The following MGAT5B variants were observed in gnomAD, a reference collection of about 807,000 sequenced individuals.
The protein encoded by MGAT5B is alpha-1,6-mannosylglycoprotein 6-beta-N-acetylglucosaminyltransferase B.
In MGAT5B, 54 loss-of-function variants were observed where a neutral mutation model predicts 95.1. The ratio of observed to expected loss-of-function variants is 0.57; its 90% CI spans 0.46 to 0.71. The LOEUF is 0.71. Among genes scored for constraint, MGAT5B ranks in the 30% least tolerant of loss-of-function variants. The probability of loss-of-function intolerance (pLI) is 0.00; values close to 1 mark genes in which losing one functional copy is unlikely to be tolerated. For synonymous variants in MGAT5B, 464 were observed against 451.0 expected, an observed-to-expected ratio of 1.03 and a Z score of -0.36; for missense variants, 935 against 1,088.6, an observed-to-expected ratio of 0.86 and a Z score of 1.99.
At chr17:76,872,518 T>C (rs564091701) in intron 1 of MGAT5B, 1 of 688,352 alleles carries the variant, frequency 1.5e-6, no homozygotes, top group Non-Finnish European at 2.3e-6. Context: ...TGATGCTGAC[T>C]GCTCGTCTGG....
intron 2 of MGAT5B, among the ~76,000 whole-genome samples, chr17:76,878,278 C>T (rs1049030778): frequency 6.6e-6 from 1 of 152,254 alleles, no homozygotes; most frequent in Non-Finnish European, 1.5e-5. Context: ...GGGGCTGTCT[C>T]CCCAGGTCTC....
intron 3 of MGAT5B, among the ~76,000 whole-genome samples, chr17:76,884,981 G>A (rs139100348): frequency 0.059 from 8,925 of 151,758 alleles, 702 homozygotes; most frequent in African/African-American, 0.17. Context: ...CAGGTGATCC[G>A]CCCATCTCGG....
chr17:76,881,917 G>C (rs1967433349), intron 2 of MGAT5B, among the ~76,000 whole-genome samples: 1 of 152,364 alleles, frequency 6.6e-6, no homozygotes, highest in Non-Finnish European at 1.5e-5. Flanking sequence ...TGGCTAGTGG[G>C]CAACGGGGCT....
chr17:76,891,685 G>T (rs1206196027), intron 3 of MGAT5B, among the ~76,000 whole-genome samples: 1 of 152,188 alleles, frequency 6.6e-6, no homozygotes, highest in South Asian at 2.1e-4. Context: ...CGGCCCTGGG[G>T]GTTAGGATCG....
At chr17:76,877,863 A>G (rs1039457442) in intron 2 of MGAT5B, among the ~76,000 whole-genome samples, 1 of 151,744 alleles carries the variant, frequency 6.6e-6, no homozygotes, top group Non-Finnish European at 1.5e-5. Context: ...AGAGACAGAG[A>G]GAGACGAAGA....
At chr17:76,903,412 G>C (rs759282050) in intron 5 of MGAT5B, 36 bp downstream of exon 5, 11 of 1,566,024 alleles carry the variant, frequency 7.0e-6, no homozygotes, top group Non-Finnish European at 9.6e-6. Flanking sequence ...GATGTCTACA[G>C]CTAGGGCCTC....
intron 3 of MGAT5B, among the ~76,000 whole-genome samples, chr17:76,898,047 ACT>A (rs902462216): frequency 8.0e-6 from 1 of 124,636 alleles, no homozygotes; most frequent in Non-Finnish European, 1.6e-5. Flanking sequence ...CGAGAGTGAA[ACT>A]CTGTCTCAAA....
chr17:76,948,582 C>A, intron 17 of MGAT5B, 58 bp from the exon 18 acceptor site: 1 of 1,532,974 alleles, frequency 6.5e-7, no homozygotes, highest in Non-Finnish European at 8.9e-7. Flanking sequence ...CTACCCCGCC[C>A]CAGCCCTTCT....
rs576342105 is a variant in MGAT5B, at chr17:76,913,018, C to A, written c.1025+6831C>A. On this transcript the variant is annotated intron_variant, in intron 8 of 17. Transcript: ENST00000569840. ...ATGAGAAAACATTACTGAGCTCTTT[C>A]TCCATCCATGAGTGAAATTGGGTTT... Among the ~76,000 whole-genome samples, 21 of 152,328 alleles carry A rather than the reference C, an allele frequency of 1.4e-4. No homozygotes were observed. In the East Asian group the frequency reaches 4.0e-3, roughly 29 times the overall value.
In MGAT5B at chr17:76,905,382, C is replaced by T. The variant is rs756446579; in HGVS notation, c.855+49C>T. 1.3e-5 allele frequency: 19 copies of T among 1,486,454 alleles called. No individual in the cohort carries two copies. The highest frequency in any genetic ancestry group is 1.1e-4 in the African/African-American group (8 of 71,194). 92.1% of individuals were successfully genotyped at this position (1,486,454 alleles called of 1,614,324 possible). A position where few individuals can be genotyped will look rare whatever the true frequency, so the allele number is the denominator to read the frequency against. ...GTGCAGGAGCTGAGAAAGCTCAGGG[C>T]CCCCACTTCTGAGTGGGCATGGAAT... On this transcript the variant is annotated intron_variant, in intron 7 of 17. Coordinates refer to ENST00000569840, the MANE Select transcript of MGAT5B (RefSeq NM_001199172.2). This position sits in a 1 kb window ranked among gnomAD's most constrained non-coding sequence, Gnocchi z 4.2.
rs1381307572 is a variant in MGAT5B, at chr17:76,869,475, G to A, written c.68+378G>A. On this transcript the variant is annotated intron_variant, in intron 1 of 17. Coordinates refer to ENST00000569840, the MANE Select transcript of MGAT5B (RefSeq NM_001199172.2). This position sits in a 1 kb window ranked among gnomAD's most constrained non-coding sequence, Gnocchi z 7.0. ...CGGACGGTCCCATCCGGGTGGCAAAGTTAGTGTGCGGCGCCTTGGAGCTCC... is the reference window on the plus strand; with the variant it reads ...CGGACGGTCCCATCCGGGTGGCAAAATTAGTGTGCGGCGCCTTGGAGCTCC... 6.6e-6 allele frequency among the ~76,000 whole-genome samples: 1 copy of A among 152,262 alleles called. No homozygotes were observed. Among genetic ancestry groups the A allele is most frequent in the South Asian group, 2.1e-4 (1 of 4,832 alleles).
intron 3 of MGAT5B, among the ~76,000 whole-genome samples, chr17:76,900,080 T>A (rs1024595379): frequency 6.6e-6 from 1 of 152,114 alleles, no homozygotes; most frequent in African/African-American, 2.4e-5. Flanking sequence ...TGCCCTTATG[T>A]CTTAAAAGAT....
rs556461628 is a variant in MGAT5B, at chr17:76,930,996, T to A, written c.1292-1649T>A. Among the ~76,000 whole-genome samples, 1 of 152,214 alleles carries A rather than the reference T, an allele frequency of 6.6e-6. No homozygotes were observed. Among genetic ancestry groups the A allele is most frequent in the African/African-American group, 2.4e-5 (1 of 41,456 alleles). ...TTTTCCCCTGTCTCATCCATCTTTG[T>A]CCAGCATTCATAAAGCCAGCCCAGG... is the stretch of plus-strand genomic sequence containing the variant. On this transcript the variant is annotated intron_variant, in intron 10 of 17. Coordinates refer to ENST00000569840, the MANE Select transcript of MGAT5B (RefSeq NM_001199172.2). The surrounding 1 kb of genome is among the most constrained non-coding windows in gnomAD (Gnocchi z 4.1).
chr17:76,944,911 A>G (rs772947976), intron 15 of MGAT5B, among the ~76,000 whole-genome samples: 9 of 152,226 alleles, frequency 5.9e-5, no homozygotes, highest in Middle Eastern at 3.2e-3. Context: ...TCAAACAGTT[A>G]GATTTCACCC....
At chr17:76,925,138 CA>C (rs761592357) in intron 9 of MGAT5B, 41 bp downstream of exon 9, 2 of 1,608,320 alleles carry the variant, frequency 1.2e-6, no homozygotes, top group South Asian at 1.1e-5. Context: ...GCCCACATGC[CA>C]GGGGAGAAAG....
intron 13 of MGAT5B, among the ~76,000 whole-genome samples, chr17:76,939,985 G>C (rs1183062903): frequency 6.6e-6 from 1 of 152,152 alleles, no homozygotes; most frequent in African/African-American, 2.4e-5. Context: ...CAAGTTAGAT[G>C]CTGAATAAAT....
chr17:76,886,917 G>A (rs946084790), intron 3 of MGAT5B, among the ~76,000 whole-genome samples: 2 of 152,162 alleles, frequency 1.3e-5, no homozygotes, highest in Non-Finnish European at 2.9e-5. Flanking sequence ...GGTGGCACAT[G>A]CCTGTAGTCT....
At position 76,930,483 on chromosome 17, in the gene MGAT5B, A is replaced by G. The variant is rs1199582837; in HGVS notation, c.1292-2162A>G. Among the ~76,000 whole-genome samples, 1 of 152,224 alleles carries G rather than the reference A, an allele frequency of 6.6e-6. No individual in the cohort carries two copies. The highest frequency in any genetic ancestry group is 1.5e-5 in the Non-Finnish European group (1 of 68,044). ...TGCTCCCAGCCTCCTCACTCACCAT[A>G]GCCCCTTCCGTGCGGGAAGGTAGAT... On this transcript the variant is annotated intron_variant, in intron 10 of 17. Transcript: ENST00000569840. The surrounding 1 kb of genome is among the most constrained non-coding windows in gnomAD (Gnocchi z 4.1).
chr17:76,932,582 G>A, intron 10 of MGAT5B, 63 bp from the exon 11 acceptor site: 1 of 1,605,308 alleles, frequency 6.2e-7, no homozygotes, highest in Non-Finnish European at 8.5e-7. Flanking sequence ...GGCAGTCCAG[G>A]GAGGCCTGGG....
Sources: gnomAD v4.1 joint callset for allele counts (sites outside exome capture counted in the v4.1 genomes callset) on GRCh38, gnomAD v4.1.1 for gene constraint, Gnocchi (gnomAD v3.1) non-coding constraint, MANE v1.5 for transcripts, NCBI Gene and HGNC (gene_info 2026-07-23, HGNC 2026-07-21) for gene names.